The following GRIN3A variants were observed in gnomAD, a reference collection of about 807,000 sequenced individuals.
GRIN3A encodes glutamate receptor ionotropic, NMDA 3A.
In GRIN3A, 47 loss-of-function variants were observed where a neutral mutation model predicts 92.4. The ratio of observed to expected loss-of-function variants is 0.51; its 90% CI spans 0.40 to 0.65. The LOEUF is 0.65. Among genes scored for constraint, GRIN3A ranks in the 30% least tolerant of loss-of-function variants. The pLI, the probability that GRIN3A is intolerant of heterozygous loss-of-function variation, is 0.00. For missense variants in GRIN3A, 1,324 were observed against 1,393.1 expected (o/e 0.95, Z 0.79); for synonymous variants, 527 against 540.6 (o/e 0.97, Z 0.35).
At chr9:101,730,240 A>G (rs1420151675) in intron 1 of GRIN3A, among the ~76,000 whole-genome samples, 1 of 152,172 alleles carries the variant, frequency 6.6e-6, no homozygotes, top group Non-Finnish European at 1.5e-5. Context: ...TCAAAACAGC[A>G]GATTTCTTCA....
At position 101,674,682 on chromosome 9, in the gene GRIN3A, AG is replaced by A. The variant is rs199946203; in HGVS notation, c.1305-3576del. On this transcript the variant is annotated intron_variant, in intron 2 of 8. Coordinates refer to ENST00000361820, the MANE Select transcript of GRIN3A (RefSeq NM_133445.3). ...AATAAAAATTTAGAGCCTGGATCAA[AG>A]GGAACAGTAATACTACCATTCTCTG... Among the ~76,000 whole-genome samples, 1,286 of 152,214 alleles carry A rather than the reference AG, an allele frequency of 8.4e-3. 4 individuals carry two copies. Among genetic ancestry groups the A allele is most frequent in the Middle Eastern group, 0.024 (7 of 294 alleles).
At chr9:101,618,737 C>A (rs1353232477) in intron 5 of GRIN3A, among the ~76,000 whole-genome samples, 13 of 152,058 alleles carry the variant, frequency 8.5e-5, no homozygotes, top group Non-Finnish European at 1.3e-4. Context: ...CCATTTTATT[C>A]AAAAACATAA....
intron 2 of GRIN3A, among the ~76,000 whole-genome samples, chr9:101,672,061 T>C (rs569124691): frequency 6.6e-6 from 1 of 152,264 alleles, no homozygotes; most frequent in Non-Finnish European, 1.5e-5. Flanking sequence ...ATGGCAATAA[T>C]AAAGATTAAT....
At chr9:101,634,696 G>GAA (rs1235983791) in intron 3 of GRIN3A, among the ~76,000 whole-genome samples, 1 of 152,040 alleles carries the variant, frequency 6.6e-6, no homozygotes, top group African/African-American at 2.4e-5. Context: ...CAAGTCTTGT[G>GAA]AAAATCCAAC....
intron 1 of GRIN3A, among the ~76,000 whole-genome samples, chr9:101,726,190 T>A (rs181655191): frequency 6.5e-4 from 99 of 152,310 alleles, no homozygotes; most frequent in South Asian, 3.9e-3. Flanking sequence ...ACCAATCAGA[T>A]ATCTGGATAA....
chr9:101,685,879 C>T (rs1027821019), intron 2 of GRIN3A, among the ~76,000 whole-genome samples: 51 of 151,932 alleles, frequency 3.4e-4, no homozygotes, highest in African/African-American at 1.1e-3. Flanking sequence ...GTAATAGGAT[C>T]TACTCTTATA....
chr9:101,669,496 T>G (rs1279548465), intron 3 of GRIN3A, among the ~76,000 whole-genome samples: 1 of 151,980 alleles, frequency 6.6e-6, no homozygotes, highest in Non-Finnish European at 1.5e-5. Context: ...CCCCTTACTT[T>G]ATAGGCCTTA....
chr9:101,686,776 A>G lies in GRIN3A; in HGVS notation c.1124T>C (p.Ile375Thr), dbSNP rs144427058. 9.9e-5 allele frequency: 160 copies of G among 1,613,994 alleles called. No individual in the cohort carries two copies. The highest frequency in any genetic ancestry group is 9.7e-4 in the African/African-American group (73 of 75,018). Reference protein sequence around the residue: ...LRTEGLPLGLIAHGKTTQSVF... With the variant: ...LRTEGLPLGLTAHGKTTQSVF... ...AGACTGTGTTGTTTTTCCATGAGCA[A>G]TGAGCCCTAAGGGCAGACCCTCTGT... The change falls in exon 2 of 9, where the codon ATT (isoleucine) becomes ACT (threonine). Residue 375 changes from isoleucine (I) to threonine (T), a missense_variant. Coordinates refer to ENST00000361820, the MANE Select transcript of GRIN3A (RefSeq NM_133445.3).
intron 1 of GRIN3A, among the ~76,000 whole-genome samples, chr9:101,724,251 C>T (rs548332969): frequency 2.3e-4 from 35 of 152,326 alleles, no homozygotes; most frequent in African/African-American, 7.9e-4. Flanking sequence ...AGGTCCCAGG[C>T]CCTGCCCCAC....
At chr9:101,641,185 G>A (rs1828856812) in intron 3 of GRIN3A, among the ~76,000 whole-genome samples, 1 of 152,208 alleles carries the variant, frequency 6.6e-6, no homozygotes, top group African/African-American at 2.4e-5. Context: ...TACATTGTTG[G>A]TGGGACTGTA....
In GRIN3A at chr9:101,687,160, C is replaced by T. The variant is rs779299245; in HGVS notation, c.740G>A (p.Ser247Asn). The T allele has an allele frequency of 6.2e-7, 1 of 1,613,812 alleles. No individual in the cohort carries two copies. Among genetic ancestry groups the T allele is most frequent in the Non-Finnish European group, 8.5e-7 (1 of 1,179,724 alleles). The part of the protein sequence containing the change: ...HLQLSLENSL[S>N]SDADVTVSIL... ...TGAGACAGTGACATCAGCATCAGAA[C>T]TTAATGAATTTTCTAAACTCAGTTG... The change falls in exon 2 of 9, where the codon AGT (serine) becomes AAT (asparagine). Residue 247 changes from serine (S) to asparagine (N), a missense_variant. By Grantham distance (46) the Ser-to-Asn change is conservative. Transcript: ENST00000361820.
intron 4 of GRIN3A, among the ~76,000 whole-genome samples, chr9:101,625,342 G>A (rs770136803): frequency 6.6e-6 from 1 of 152,114 alleles, no homozygotes; most frequent in African/African-American, 2.4e-5. Flanking sequence ...ATTTAACACA[G>A]TGTGGCTTCT....
At chr9:101,605,356 A>G (rs1206210792) in intron 6 of GRIN3A, among the ~76,000 whole-genome samples, 1 of 152,228 alleles carries the variant, frequency 6.6e-6, no homozygotes, top group Non-Finnish European at 1.5e-5. Flanking sequence ...AACATAAAAT[A>G]TCTCAGTTTT....
intron 1 of GRIN3A, among the ~76,000 whole-genome samples, chr9:101,687,999 G>A (rs1430935362): frequency 6.6e-6 from 1 of 152,168 alleles, no homozygotes; most frequent in Non-Finnish European, 1.5e-5. Flanking sequence ...GAATACATTT[G>A]TTAATTGTTG....
At chr9:101,677,581 G>A (rs1829414928) in intron 2 of GRIN3A, among the ~76,000 whole-genome samples, 2 of 151,810 alleles carry the variant, frequency 1.3e-5, no homozygotes, top group South Asian at 4.2e-4. Context: ...ATTTTTTTAT[G>A]TCTCTTTTAC....
rs553492421 is a variant in GRIN3A at position 101,720,202 on chromosome 9, C to A, written c.699+17079G>T. 3.3e-5 allele frequency among the ~76,000 whole-genome samples: 5 copies of A among 152,336 alleles called. No homozygotes were observed. In the South Asian group the frequency reaches 1.0e-3, roughly 32 times the overall value. ...TAGTACCAAGGAAGATAGGTCCTAACTTTCCAGAATTGAAGCTAGGAGTAT... is the reference window on the plus strand; with the variant it reads ...TAGTACCAAGGAAGATAGGTCCTAAATTTCCAGAATTGAAGCTAGGAGTAT... On this transcript the variant is annotated intron_variant, in intron 1 of 8. Transcript: ENST00000361820.
intron 3 of GRIN3A, among the ~76,000 whole-genome samples, chr9:101,665,447 C>T (rs1331301565): frequency 6.6e-6 from 1 of 151,864 alleles, no homozygotes; most frequent in Non-Finnish European, 1.5e-5. Flanking sequence ...CACAGCAAAA[C>T]TTTCTTGAGA....
intron 2 of GRIN3A, among the ~76,000 whole-genome samples, chr9:101,684,399 C>A (rs923599711): frequency 7.9e-5 from 12 of 151,666 alleles, no homozygotes; most frequent in East Asian, 1.9e-4. Context: ...GCGTGAGCCA[C>A]CGCCCCTGGC....
At chr9:101,735,066 G>A (rs145279565) in intron 1 of GRIN3A, among the ~76,000 whole-genome samples, 77 of 151,800 alleles carry the variant, frequency 5.1e-4, no homozygotes, top group African/African-American at 1.2e-3. Context: ...AGCAGATTAC[G>A]GTCATCTTAA....
Sources: gnomAD v4.1 joint callset for allele counts (sites outside exome capture counted in the v4.1 genomes callset) on GRCh38, gnomAD v4.1.1 for gene constraint, MANE v1.5 for transcripts, NCBI Gene and HGNC (gene_info 2026-07-23, HGNC 2026-07-21) for gene names.